MACF1: variants seen among roughly 807,000 people sequenced by gnomAD.
MACF1 encodes microtubule actin crosslinking factor 1.
Under a neutral mutation model 854.8 loss-of-function variants are expected in MACF1, and 193 were observed. That is an observed-to-expected ratio of 0.23 (90% CI 0.20 to 0.25). The LOEUF is 0.25. MACF1 is among the 10% of genes least tolerant of loss of function. The probability of loss-of-function intolerance (pLI) is 1.00; values close to 1 mark genes in which losing one functional copy is unlikely to be tolerated. For missense variants in MACF1, 7,722 were observed against 8,929.1 expected, an observed-to-expected ratio of 0.86 and a Z score of 5.45; for synonymous variants, 3,185 against 3,226.7, an observed-to-expected ratio of 0.99 and a Z score of 0.44.
At chr1:39,132,596 ATGG>A (rs1420999117) in intron 2 of MACF1, among the ~76,000 whole-genome samples, 1 of 152,170 alleles carries the variant, frequency 6.6e-6, no homozygotes, top group African/African-American at 2.4e-5. Flanking sequence ...TTCCTAGAGC[ATGG>A]CTTGGATCCT....
chr1:39,471,290 A>G (rs1644772036), intron 97 of MACF1, among the ~76,000 whole-genome samples: 1 of 152,228 alleles, frequency 6.6e-6, no homozygotes, highest in Non-Finnish European at 1.5e-5. Flanking sequence ...GAAGAGAACA[A>G]AGTTACTTGA....
intron 1 of MACF1, among the ~76,000 whole-genome samples, chr1:39,217,477 G>A (rs1476068390): frequency 3.3e-5 from 5 of 151,804 alleles, no homozygotes; most frequent in African/African-American, 1.2e-4. Context: ...GTTTCGCCAT[G>A]TTGCCTTGGC....
At chr1:39,264,833 C>T (rs1487722962) in intron 6 of MACF1, among the ~76,000 whole-genome samples, 3 of 151,664 alleles carry the variant, frequency 2.0e-5, no homozygotes, top group Non-Finnish European at 4.4e-5. Flanking sequence ...GCCACCGCGC[C>T]CGGCTAATTT....
chr1:39,221,474 A>G (rs1247347497), intron 1 of MACF1, among the ~76,000 whole-genome samples: 1 of 152,188 alleles, frequency 6.6e-6, no homozygotes, highest in African/African-American at 2.4e-5. Context: ...TGTCTGTGAG[A>G]AGATCCTCCT....
At chr1:39,143,955 T>A (rs943846728) in intron 2 of MACF1, among the ~76,000 whole-genome samples, 1 of 151,654 alleles carries the variant, frequency 6.6e-6, no homozygotes, top group Non-Finnish European at 1.5e-5. Context: ...GCCTAGCTAA[T>A]TTTTTTTCAT....
chr1:39,333,369 G>T lies in MACF1; in HGVS notation c.6781G>T (p.Asp2261Tyr), dbSNP rs201558069. The T allele has an allele frequency of 6.2e-7, 1 of 1,614,104 alleles. No homozygotes were observed. The highest frequency in any genetic ancestry group is 1.3e-5 in the African/African-American group (1 of 75,052). ...GGSMMMSEKT[D>Y]EEDSGREIFL... is the part of the protein sequence containing the mutation. ...TAGTATGATGATGTCAGAAAAGACCGATGAGGAAGATAGTGGCAGGGAAAT... is the reference window on the plus strand; with the variant it reads ...TAGTATGATGATGTCAGAAAAGACCTATGAGGAAGATAGTGGCAGGGAAAT... Residue 2261 changes from aspartate to tyrosine, a missense_variant, in exon 37 of 101, where the codon GAT becomes TAT. Asp to Tyr is a radical substitution (Grantham distance 160). This residue lies in a region of MACF1 where 1,531 missense variants were observed against 1,601.6 expected (regional missense o/e 0.96). Transcript: ENST00000564288.
At chr1:39,269,634 C>A (rs1459607164) in intron 6 of MACF1, 2 of 1,289,620 alleles carry the variant, frequency 1.6e-6, no homozygotes, top group Non-Finnish European at 2.0e-6. Context: ...AGATACAGAA[C>A]CTGAAAAGAG....
chr1:39,485,658 G>A lies in MACF1; in HGVS notation c.22532G>A (p.Cys7511Tyr), dbSNP rs753693496. The change falls in exon 101 of 101, where the codon TGT becomes TAT. Residue 7511 changes from cysteine (C) to tyrosine (Y), a missense_variant. Physicochemically the swap from Cys to Tyr is radical, Grantham distance 194. Coordinates refer to ENST00000564288, the MANE Select transcript of MACF1 (RefSeq NM_001394062.1). ...GACCTCTTAGAGACGCAGTCTGCTT[G>A]TTCCGACACTTCAGAAAGCAGCGCT... Reference protein sequence around the residue: ...DFDLLETQSACSDTSESSAAG... With the variant: ...DFDLLETQSAYSDTSESSAAG... 39 of 1,614,156 alleles carry A rather than the reference G, an allele frequency of 2.4e-5. No homozygotes were observed. The highest frequency in any genetic ancestry group is 3.2e-5 in the Non-Finnish European group (38 of 1,180,018).
intron 2 of MACF1, among the ~76,000 whole-genome samples, chr1:39,199,234 C>T (rs958266419): frequency 1.3e-5 from 2 of 152,004 alleles, no homozygotes; most frequent in South Asian, 2.1e-4. Context: ...ATCCGCCCGC[C>T]TCGGCCTCCC....
intron 2 of MACF1, among the ~76,000 whole-genome samples, chr1:39,149,512 A>G (rs1643531831): frequency 6.6e-6 from 1 of 152,112 alleles, no homozygotes. Context: ...TGGGTGATAG[A>G]GTGAGACTCC....
intron 41 of MACF1, among the ~76,000 whole-genome samples, chr1:39,348,227 A>G (rs555992383): frequency 1.3e-5 from 2 of 152,192 alleles, no homozygotes; most frequent in African/African-American, 4.8e-5. Flanking sequence ...AAAACTGAGC[A>G]TGTGCAATGC....
chr1:39,182,851 ATAT>A (rs1455005812), intron 2 of MACF1, among the ~76,000 whole-genome samples: 2 of 152,220 alleles, frequency 1.3e-5, no homozygotes, highest in African/African-American at 4.8e-5. Context: ...TCCAAAAGAA[ATAT>A]TATATTCATA....
intron 23 of MACF1, among the ~76,000 whole-genome samples, chr1:39,306,348 G>A (rs1006464612): frequency 3.2e-4 from 49 of 151,886 alleles, no homozygotes; most frequent in Admixed American, 3.9e-4. Flanking sequence ...GGCTGGTCTC[G>A]AACTCCTGAC....
chr1:39,296,848 G>GGA lies in MACF1; in HGVS notation c.2356-772_2356-771insGA, dbSNP rs1415980997. On this transcript the variant is annotated intron_variant, in intron 20 of 100. Transcript: ENST00000564288. ...GAAGGAAGGAAGGAAGGAAGGAAAA[G>GGA]AAAGAAAGAGAGAAAGAATGTACTT... 4.6e-3 allele frequency among the ~76,000 whole-genome samples: 657 copies of GGA among 142,408 alleles called. 10 individuals carry two copies. Among genetic ancestry groups the GGA allele is most frequent in the Non-Finnish European group, 7.5e-3 (502 of 66,890 alleles). 93.4% of individuals were successfully genotyped at this position (142,408 alleles called of 152,430 possible).
At position 39,105,701 on chromosome 1, in the gene MACF1, G is replaced by C. The variant is rs1199887116; in HGVS notation, c.220+21263G>C. ...AGTTCGTGCAGGCGTACGAGGATGT[G>C]CTGGAGCGGTACAAAGGTAGGGCCG... is the stretch of plus-strand genomic sequence containing the variant. On this transcript the variant is annotated intron_variant, in intron 2 of 93. Transcript: ENST00000361689. This position sits in a 1 kb window ranked among gnomAD's most constrained non-coding sequence, Gnocchi z 5.9. 1 of 1,227,348 alleles carries C rather than the reference G, an allele frequency of 8.1e-7. No homozygotes were observed. Among genetic ancestry groups the C allele is most frequent in the South Asian group, 1.3e-5 (1 of 74,332 alleles). 76.0% of individuals were successfully genotyped at this position (1,227,348 alleles called of 1,614,324 possible). A position where few individuals can be genotyped will look rare whatever the true frequency, so the allele number is the denominator to read the frequency against.
intron 49 of MACF1, among the ~76,000 whole-genome samples, chr1:39,363,824 A>G (rs1648427842): frequency 6.6e-6 from 1 of 152,064 alleles, no homozygotes. Context: ...CATGTTGGCC[A>G]GGATCTCAAA....
chr1:39,391,513 G>A (rs1642036741), intron 58 of MACF1, among the ~76,000 whole-genome samples: 1 of 152,104 alleles, frequency 6.6e-6, no homozygotes, highest in Non-Finnish European at 1.5e-5. Context: ...GCTGTCATTT[G>A]GTCTGTGTAG....
At chr1:39,475,743 C>G (rs1359715339) in intron 97 of MACF1, among the ~76,000 whole-genome samples, 1 of 152,132 alleles carries the variant, frequency 6.6e-6, no homozygotes, top group African/African-American at 2.4e-5. Flanking sequence ...CATGCCTAAT[C>G]AGTTGCTGGA....
At chr1:39,204,229 G>A (rs567523129), upstream of MACF1, 306 of 152,278 alleles carry the variant, frequency 2.0e-3, 3 homozygotes, top group Non-Finnish European at 1.2e-3. Context: ...AACTGATATC[G>A]TGCCTTCCAA....
Sources: allele counts gnomAD v4.1 joint callset (sites outside exome capture counted in the v4.1 genomes callset), GRCh38; gene constraint gnomAD v4.1.1; regional missense constraint gnomAD v4.1.1; non-coding constraint Gnocchi (gnomAD v3.1); transcripts MANE v1.5; gene names NCBI Gene and HGNC (gene_info 2026-07-23, HGNC 2026-07-21).